Variants in ADAM19 observed in about 807,000 individuals in gnomAD.
The protein encoded by ADAM19 is disintegrin and metalloproteinase domain-containing protein 19.
Under a neutral mutation model 114.7 loss-of-function variants are expected in ADAM19, and 65 were observed. The ratio of observed to expected loss-of-function variants is 0.57; its 90% CI spans 0.46 to 0.70. The LOEUF is 0.70. ADAM19 is among the 30% of genes least tolerant of loss of function. The probability of loss-of-function intolerance (pLI) is 0.00; values close to 1 mark genes in which losing one functional copy is unlikely to be tolerated. For missense variants in ADAM19, 1,063 were observed against 1,204.7 expected (o/e 0.88, Z 1.74); for synonymous variants, 466 against 460.5 (o/e 1.01, Z -0.15).
chr5:157,542,283 T>C (rs1179560405), intron 3 of ADAM19, among the ~76,000 whole-genome samples: 1 of 152,004 alleles, frequency 6.6e-6, no homozygotes, highest in East Asian at 1.9e-4. Context: ...AGGTGATTTA[T>C]GTTTTCGGGT....
chr5:157,530,907 C>A, intron 4 of ADAM19, 24 bp from the exon 5 acceptor site: 1 of 1,598,964 alleles, frequency 6.3e-7, no homozygotes, highest in South Asian at 1.1e-5. Context: ...AGGAGGTGGT[C>A]AGGCTAAAGA....
At chr5:157,490,153 C>A (rs554394060) in intron 19 of ADAM19, among the ~76,000 whole-genome samples, 157 bp downstream of exon 19, 1 of 152,288 alleles carries the variant, frequency 6.6e-6, no homozygotes, top group South Asian at 2.1e-4. Context: ...ACTAGTAATG[C>A]CTGTCACAGT....
intron 7 of ADAM19, among the ~76,000 whole-genome samples, chr5:157,517,246 C>T (rs113007430): frequency 7.4e-4 from 113 of 152,290 alleles, no homozygotes; most frequent in African/African-American, 2.6e-3. Context: ...GGTACAGCTG[C>T]CTTAGAATGA....
chr5:157,488,731 T>C (rs1033107945), intron 20 of ADAM19, among the ~76,000 whole-genome samples: 20 of 152,160 alleles, frequency 1.3e-4, no homozygotes, highest in Admixed American at 2.0e-4. Flanking sequence ...CAGAGGCTCT[T>C]AGAAAAACAC....
chr5:157,496,883 GAGAGCCTTACCGGGTCCCCAC>G lies in ADAM19; in HGVS notation c.1584_1594+10del. 6.4e-7 allele frequency: 1 copy of G among 1,557,602 alleles called. No homozygotes were observed. The highest frequency in any genetic ancestry group is 8.7e-7 in the Non-Finnish European group (1 of 1,154,570). On this transcript the variant is annotated splice_donor_variant and splice_donor_5th_base_variant and coding_sequence_variant and intron_variant, in exon 14 of 23. Transcript: ENST00000257527. LOFTEE classifies it high-confidence loss of function. ...GGCTGGGGAGAGCCGTGCTCCCCAG[GAGAGCCTTACCGGGTCCCCAC>G]AGCTGCTGGCACTGCTCCTGGTAGG...
chr5:157,492,321 G>A (rs1337007375), intron 16 of ADAM19, among the ~76,000 whole-genome samples: 2 of 152,016 alleles, frequency 1.3e-5, no homozygotes, highest in Non-Finnish European at 2.9e-5. Context: ...GGCCCAAATA[G>A]GCAGCACACT....
At position 157,478,882 on chromosome 5, in the gene ADAM19, C is replaced by T; in HGVS notation, c.*2067G>A. On this transcript the variant is annotated 3_prime_UTR_variant, in exon 23 of 23. Coordinates refer to ENST00000257527, the MANE Select transcript of ADAM19 (RefSeq NM_033274.5). The stretch of plus-strand genomic sequence containing the variant: ...GCAGTCACTATGGCTGTGGCGCTGT[C>T]ATTTCAGAGCTATCTACCTCCTGAT... 1.0e-6 allele frequency: 1 copy of T among 985,758 alleles called. No homozygotes were observed. The highest frequency in any genetic ancestry group is 1.2e-6 in the Non-Finnish European group (1 of 829,934). 61.1% of individuals were successfully genotyped at this position (985,758 alleles called of 1,614,324 possible).
Position 157,478,877 on chromosome 5 carries a change from G to T in ADAM19, c.*2072C>A. ...CTCATGCAGTCACTATGGCTGTGGC[G>T]CTGTCATTTCAGAGCTATCTACCTC... On this transcript the variant is annotated 3_prime_UTR_variant, in exon 23 of 23. Transcript: ENST00000257527. 1.0e-6 allele frequency: 1 copy of T among 985,750 alleles called. No homozygotes were observed. Among genetic ancestry groups the T allele is most frequent in the Non-Finnish European group, 1.2e-6 (1 of 829,932 alleles). 61.1% of individuals were successfully genotyped at this position (985,750 alleles called of 1,614,324 possible).
rs141032542 is a variant in ADAM19 at position 157,546,551 on chromosome 5, A to C, written c.252-8560T>G. 3.5e-4 allele frequency among the ~76,000 whole-genome samples: 53 copies of C among 152,258 alleles called. No individual in the cohort carries two copies. In the East Asian group the frequency reaches 9.5e-3, roughly 27 times the overall value. On this transcript the variant is annotated intron_variant, in intron 3 of 22. Coordinates refer to ENST00000257527, the MANE Select transcript of ADAM19 (RefSeq NM_033274.5). Reference sequence around the variant, plus strand: ...CAAAGAGCCTGACATTCCTTCCAACACTTAGATCACTCTTTTCCCCAGCAC... The same window carrying C: ...CAAAGAGCCTGACATTCCTTCCAACCCTTAGATCACTCTTTTCCCCAGCAC...
At chr5:157,554,911 C>G (rs1757324425) in intron 3 of ADAM19, among the ~76,000 whole-genome samples, 1 of 152,174 alleles carries the variant, frequency 6.6e-6, no homozygotes, top group Non-Finnish European at 1.5e-5. Context: ...GGGATGCACA[C>G]CTGCCTGGAT....
Position 157,490,427 on chromosome 5 carries a change from A to C in ADAM19, c.2123T>G (p.Leu708Trp), listed in dbSNP as rs781108951. The C allele has an allele frequency of 1.2e-6, 2 of 1,614,044 alleles. No homozygotes were observed. The highest frequency in any genetic ancestry group is 1.3e-5 in the African/African-American group (1 of 74,932). Residue 708 changes from leucine (L) to tryptophan (W), a missense_variant, in exon 19 of 23, where the codon TTG (leucine) becomes TGG (tryptophan). By Grantham distance (61) the Leu-to-Trp change is moderately conservative. This residue lies in a region of ADAM19 where 424 missense variants were observed against 445.5 expected (regional missense o/e 0.95). Transcript: ENST00000257527. Reference protein sequence around the residue: ...ESVGPVVAGVLVAILVLAVLM... With the variant: ...ESVGPVVAGVWVAILVLAVLM... Reference sequence around the variant, plus strand: ...GACCGCCAGCACCAAGATGGCCACCAACACTCCAGCTACCACAGGACCCAC... The same window carrying C: ...GACCGCCAGCACCAAGATGGCCACCCACACTCCAGCTACCACAGGACCCAC...
chr5:157,479,861 G>A lies in ADAM19; in HGVS notation c.*1088C>T. 1.0e-6 allele frequency: 1 copy of A among 985,620 alleles called. No individual in the cohort carries two copies. The highest frequency in any genetic ancestry group is 6.1e-5 in the Admixed American group (1 of 16,286). 61.1% of individuals were successfully genotyped at this position (985,620 alleles called of 1,614,324 possible). On this transcript the variant is annotated 3_prime_UTR_variant, in exon 23 of 23. Coordinates refer to ENST00000257527, the MANE Select transcript of ADAM19 (RefSeq NM_033274.5). ...TCGTGTGTACTTTGTAAATAGCTGG[G>A]CTCCCTAAGGGGAAACCTCACCTAG...
At position 157,505,785 on chromosome 5, in the gene ADAM19, G is replaced by A. The variant is rs374425944; in HGVS notation, c.1014C>T (p.Gly338=). ...VNMDHSENAI[G]VAATMAHEMG... The stretch of plus-strand genomic sequence containing the variant: ...TCTCGTGGGCCATGGTGGCAGCCAC[G>A]CCAATGGCATTCTCGGAGTGGTCCT... The change falls in exon 11 of 23, where the codon GGC becomes GGT. Residue 338 remains glycine, a synonymous_variant. Transcript: ENST00000257527. The A allele has an allele frequency of 7.6e-5, 123 of 1,613,920 alleles. No homozygotes were observed. The highest frequency in any genetic ancestry group is 9.9e-5 in the Non-Finnish European group (117 of 1,179,982).
intron 3 of ADAM19, among the ~76,000 whole-genome samples, chr5:157,541,625 G>A (rs984532775): frequency 6.6e-5 from 10 of 152,086 alleles, no homozygotes. Flanking sequence ...CACTCTCTAG[G>A]GAAGAAGAAC....
intron 18 of ADAM19, among the ~76,000 whole-genome samples, chr5:157,491,003 C>A (rs1755135240): frequency 1.3e-5 from 2 of 152,050 alleles, no homozygotes; most frequent in South Asian, 4.1e-4. Context: ...CCCCAATATT[C>A]TCTCAAGTGG....
chr5:157,536,437 G>C, intron 4 of ADAM19, among the ~76,000 whole-genome samples: 1 of 152,200 alleles, frequency 6.6e-6, no homozygotes, highest in Admixed American at 6.5e-5. Flanking sequence ...AGAATAGCTT[G>C]GCCAACATGG....
chr5:157,562,787 C>T (rs1243222469), intron 3 of ADAM19, among the ~76,000 whole-genome samples: 1 of 152,182 alleles, frequency 6.6e-6, no homozygotes, highest in Non-Finnish European at 1.5e-5. Context: ...GCTTTAGCTT[C>T]CTATGGTCTG....
chr5:157,521,058 T>C (rs1034152300), intron 5 of ADAM19, among the ~76,000 whole-genome samples: 3 of 152,196 alleles, frequency 2.0e-5, no homozygotes, highest in Non-Finnish European at 4.4e-5. Context: ...GTCACTCTAA[T>C]GTATAACAGA....
chr5:157,564,314 G>A (rs148619792), intron 3 of ADAM19, 59 bp downstream of exon 3: 73 of 1,510,406 alleles, frequency 4.8e-5, no homozygotes, highest in South Asian at 1.9e-4. Context: ...CGACACCTGC[G>A]TCCGGCGTTG....
Sources: allele counts gnomAD v4.1 joint callset (sites outside exome capture counted in the v4.1 genomes callset), GRCh38; gene constraint gnomAD v4.1.1; regional missense constraint gnomAD v4.1.1; transcripts MANE v1.5; gene names NCBI Gene and HGNC (gene_info 2026-07-23, HGNC 2026-07-21).